The following NAV1 variants were observed in gnomAD, a reference collection of about 807,000 sequenced individuals.
NAV1 encodes neuron navigator 1.
A neutral mutation model predicts 175.2 loss-of-function variants in NAV1; 18 were observed. The ratio of observed to expected loss-of-function variants is 0.10; its 90% CI spans 0.07 to 0.15. NAV1 has a LOEUF of 0.15. NAV1 is among the 10% of genes least tolerant of loss of function. The pLI, the probability that NAV1 is intolerant of heterozygous loss-of-function variation, is 1.00. For synonymous variants in NAV1, 897 were observed against 978.7 expected (o/e 0.92, Z 1.56); for missense variants, 1,731 against 2,436.6 (o/e 0.71, Z 6.10).
intron 1 of NAV1, among the ~76,000 whole-genome samples, chr1:201,703,041 A>G (rs763165441): frequency 2.7e-4 from 41 of 152,088 alleles, no homozygotes; most frequent in Non-Finnish European, 1.8e-4. Context: ...GGCCTCCTCC[A>G]ATTGTCATCC....
At chr1:201,786,947 T>TGAAATGTC (rs1293984676) in intron 9 of NAV1, among the ~76,000 whole-genome samples, 2 of 152,170 alleles carry the variant, frequency 1.3e-5, no homozygotes, top group Non-Finnish European at 2.9e-5. Flanking sequence ...AGGGCAATAC[T>TGAAATGTC]GAAATGTCAG....
chr1:201,734,673 C>T (rs1035369277), intron 3 of NAV1, among the ~76,000 whole-genome samples: 1 of 151,994 alleles, frequency 6.6e-6, no homozygotes, highest in Non-Finnish European at 1.5e-5. Context: ...TGCTCCTGGC[C>T]TCTCGAGGTG....
Position 201,788,004 on chromosome 1 carries a change from GC to G in NAV1, c.2996-461del, listed in dbSNP as rs1676875274. The stretch of plus-strand genomic sequence containing the variant: ...AATGCCAGGGCAACGGGATCCCGTA[GC>G]CCAGCCCCCTTCTCTAGCTGGTGCT... On this transcript the variant is annotated intron_variant, in intron 9 of 29. Transcript: ENST00000367296. The surrounding 1 kb of genome is among the most constrained non-coding windows in gnomAD (Gnocchi z 5.7). Among the ~76,000 whole-genome samples the G allele has an allele frequency of 6.6e-6, 1 of 152,168 alleles. No individual in the cohort carries two copies. The highest frequency in any genetic ancestry group is 2.4e-5 in the African/African-American group (1 of 41,434).
At chr1:201,568,847 A>T (rs909251406) in intron 1 of NAV1, among the ~76,000 whole-genome samples, 13 of 152,070 alleles carry the variant, frequency 8.5e-5, no homozygotes, top group African/African-American at 3.1e-4. Flanking sequence ...TGTTTAGTCT[A>T]AAAGTTCAGA....
chr1:201,713,965 C>T (rs921015921), intron 2 of NAV1, among the ~76,000 whole-genome samples: 2 of 152,172 alleles, frequency 1.3e-5, no homozygotes, highest in Non-Finnish European at 2.9e-5. Flanking sequence ...TTAACATAGG[C>T]TTTTTAAAAA....
exon 1 of NAV1, chr1:201,623,365 G>C: frequency 3.0e-6 from 3 of 985,904 alleles, no homozygotes; most frequent in Non-Finnish European, 3.6e-6. Flanking sequence ...AATACCAGGG[G>C]CTCCGGAAGG....
intron 3 of NAV1, among the ~76,000 whole-genome samples, chr1:201,725,791 T>C (rs899009080): frequency 6.6e-5 from 10 of 151,596 alleles, no homozygotes; most frequent in African/African-American, 2.4e-4. Context: ...ACACTGTTTC[T>C]ACAAAAAAAA....
At chr1:201,745,321 A>G (rs1454986328) in intron 3 of NAV1, among the ~76,000 whole-genome samples, 1 of 152,218 alleles carries the variant, frequency 6.6e-6, no homozygotes, top group African/African-American at 2.4e-5. Context: ...GAGCATAATC[A>G]AGGAATGCTT....
At chr1:201,757,718 G>T (rs1674603291) in intron 3 of NAV1, among the ~76,000 whole-genome samples, 1 of 152,186 alleles carries the variant, frequency 6.6e-6, no homozygotes, top group Admixed American at 6.5e-5. Context: ...ATCCAGCGAG[G>T]CACAAGAGGG....
At chr1:201,648,731 C>A in exon 1 of NAV1, 1 of 1,415,014 alleles carries the variant, frequency 7.1e-7, no homozygotes, top group Non-Finnish European at 9.2e-7. Flanking sequence ...GCGGCGGCGA[C>A]GAGGGCGCGG....
At position 201,809,362 on chromosome 1, in the gene NAV1, A is replaced by T. The variant is rs1678541306; in HGVS notation, c.4306-80A>T. 5.7e-6 allele frequency: 9 copies of T among 1,581,130 alleles called. No homozygotes were observed. The East Asian group carries it at 2.0e-4, about 35-fold the overall frequency. On this transcript the variant is annotated intron_variant, in intron 21 of 29. Transcript: ENST00000367296. ...GGTACCTCCAAAACCAAAGAACTCA[A>T]CTCCTAAGGCCTTTAGGACCCCGGT...
At position 201,793,942 on chromosome 1, in the gene NAV1, G is replaced by A. The variant is rs567161685; in HGVS notation, c.3405+67G>A. ...GGGGGTTCTCCTGGACAGAGAGGCC[G>A]AAGCTGACCATCTGTTCTTGCTCAT... On this transcript the variant is annotated intron_variant, in intron 14 of 29. Coordinates refer to ENST00000367296, the Ensembl canonical transcript of NAV1. 87 of 1,359,602 alleles carry A rather than the reference G, an allele frequency of 6.4e-5. 2 individuals are homozygous for A. Among genetic ancestry groups the A allele is most frequent in the South Asian group, 4.0e-4 (33 of 81,774 alleles). The allele number at this position is 1,359,602 out of a possible 1,614,324, so 84.2% of individuals were successfully genotyped here.
rs558099749 is a variant in NAV1 at position 201,744,297 on chromosome 1, C to T, written c.1226+25542C>T. On this transcript the variant is annotated intron_variant, in intron 3 of 29. Coordinates refer to ENST00000367296, the Ensembl canonical transcript of NAV1. Reference sequence around the variant, plus strand: ...AACAGACAAAACCCTAAGGAGCTGACGGCTATGTATGTATGTATGTATTTA... The same window carrying T: ...AACAGACAAAACCCTAAGGAGCTGATGGCTATGTATGTATGTATGTATTTA... Among the ~76,000 whole-genome samples the T allele has an allele frequency of 4.0e-4, 61 of 151,238 alleles. 1 individual carries two copies. Among genetic ancestry groups the T allele is most frequent in the Admixed American group, 3.4e-3 (52 of 15,192 alleles).
intron 1 of NAV1, among the ~76,000 whole-genome samples, chr1:201,545,065 G>A (rs916436327): frequency 6.6e-6 from 1 of 152,186 alleles, no homozygotes; most frequent in Admixed American, 6.5e-5. Context: ...ACCTTGGGCA[G>A]GCCATGGAAT....
At chr1:201,712,670 T>C (rs964021655) in intron 1 of NAV1, 147 bp from the exon 6 acceptor site, 4 of 655,080 alleles carry the variant, frequency 6.1e-6, no homozygotes, top group Non-Finnish European at 1.1e-5. Context: ...ATTCTGTTGG[T>C]TGTCTTTGGG....
intron 1 of NAV1, among the ~76,000 whole-genome samples, chr1:201,683,602 G>A (rs562446621): frequency 2.6e-5 from 4 of 152,262 alleles, no homozygotes; most frequent in African/African-American, 7.2e-5. Context: ...CCTGCTGTGC[G>A]GCTAGGGTTC....
intron 2 of NAV1, among the ~76,000 whole-genome samples, chr1:201,716,747 T>C (rs781740966): frequency 6.6e-6 from 1 of 152,190 alleles, no homozygotes; most frequent in Non-Finnish European, 1.5e-5. Context: ...GATGTGCTCA[T>C]GTGTGCCTGT....
rs1476347173 is a variant in NAV1, at chr1:201,539,611, G to A, written c.-144+269G>A. On this transcript the variant is annotated intron_variant, in intron 1 of 33. Coordinates refer to the NAV1 transcript ENST00000685211. The surrounding 1 kb of genome is among the most constrained non-coding windows in gnomAD (Gnocchi z 5.6). ...TTTGATTCTAGAGTTGACTCTCCGG[G>A]GGGGCTGCCTAACTTCAGTCCCTCT... is the stretch of plus-strand genomic sequence containing the variant. Among the ~76,000 whole-genome samples the A allele has an allele frequency of 6.6e-6, 1 of 152,158 alleles. No homozygotes were observed. The highest frequency in any genetic ancestry group is 2.4e-5 in the African/African-American group (1 of 41,436).
chr1:201,699,495 C>T (rs1226307797), intron 1 of NAV1, among the ~76,000 whole-genome samples: 2 of 152,150 alleles, frequency 1.3e-5, no homozygotes, highest in Non-Finnish European at 2.9e-5. Context: ...GAATCAATAT[C>T]CTGAAAATGG....
Sources: gnomAD v4.1 joint callset for allele counts (sites outside exome capture counted in the v4.1 genomes callset) on GRCh38, gnomAD v4.1.1 for gene constraint, Gnocchi (gnomAD v3.1) non-coding constraint, MANE v1.5 for transcripts, NCBI Gene and HGNC (gene_info 2026-07-23, HGNC 2026-07-21) for gene names.